Variants in CRACDL observed in about 807,000 individuals in gnomAD.
The protein encoded by CRACDL is CRACD-like protein.
CRACDL carries 26 observed loss-of-function variants against 70.6 expected under a neutral mutation model. That is an observed-to-expected ratio of 0.37 (90% CI 0.27 to 0.51). CRACDL has a LOEUF of 0.51. Among genes scored for constraint, CRACDL ranks in the 20% least tolerant of loss-of-function variants. The pLI, the probability that CRACDL is intolerant of heterozygous loss-of-function variation, is 0.94. For missense variants in CRACDL, 1,283 were observed against 1,376.9 expected, an observed-to-expected ratio of 0.93 and a Z score of 1.08; for synonymous variants, 618 against 615.2, an observed-to-expected ratio of 1.00 and a Z score of -0.07.
Position 98,832,446 on chromosome 2 carries a change from C to T in CRACDL, c.442G>A (p.Gly148Arg). Residue 148 changes from glycine (G) to arginine (R), a missense_variant, in exon 5 of 10, where the codon GGA becomes AGA. Gly to Arg is a moderately radical substitution (Grantham distance 125, BLOSUM62 -2). This residue lies in a region of CRACDL where 362 missense variants were observed against 495.0 expected (regional missense o/e 0.73). Coordinates refer to ENST00000397899, the MANE Select transcript of CRACDL (RefSeq NM_207362.3). ...TCAGAGCTCATGCCGGCATCCTCTC[C>T]CCGCTTGGCAGGAAGCCCCCCTGGA... Reference protein sequence around the residue: ...PPPGGLPAKRGEDAGMSSEDD... With the variant: ...PPPGGLPAKRREDAGMSSEDD... The T allele has an allele frequency of 6.2e-7, 1 of 1,614,002 alleles. No individual in the cohort carries two copies. The highest frequency in any genetic ancestry group is 2.2e-5 in the East Asian group (1 of 44,866).
intron 1 of CRACDL, among the ~76,000 whole-genome samples, chr2:98,874,835 C>T (rs897255570): frequency 2.6e-5 from 4 of 152,190 alleles, no homozygotes; most frequent in Non-Finnish European, 4.4e-5. Context: ...TTACTGATCA[C>T]TTCATGCTGT....
chr2:98,805,665 T>G (rs1012775568), intron 7 of CRACDL, among the ~76,000 whole-genome samples: 23 of 152,314 alleles, frequency 1.5e-4, no homozygotes, highest in Admixed American at 1.0e-3. Flanking sequence ...CAGACTCACT[T>G]TGCAGCCTAG....
chr2:98,854,279 C>CAAAAAAAAAAAAAAAAA (rs1229198569), intron 1 of CRACDL, among the ~76,000 whole-genome samples: 3 of 54,184 alleles, frequency 5.5e-5, no homozygotes, highest in Admixed American at 2.1e-4. Context: ...GACTCTGTCT[C>CAAAAAAAAAAAAAAAAA]AAAAAAAAAA....
intron 7 of CRACDL, among the ~76,000 whole-genome samples, chr2:98,807,718 T>C (rs889862496): frequency 6.6e-6 from 1 of 152,282 alleles, no homozygotes; most frequent in Non-Finnish European, 1.5e-5. Context: ...ACGTTAATAC[T>C]TGGCACTTAG....
Position 98,822,017 on chromosome 2 carries a change from G to T in CRACDL, c.2256C>A (p.Pro752=), listed in dbSNP as rs1046849228. Residue 752 remains proline (P), a synonymous_variant, in exon 7 of 10, where the codon CCC becomes CCA. Coordinates refer to ENST00000397899, the MANE Select transcript of CRACDL (RefSeq NM_207362.3). This position sits in a 1 kb window ranked among gnomAD's most constrained non-coding sequence, Gnocchi z 4.9. ...GCGGCTTGGAGCTGAGCGGCTCGGG[G>T]GGCCGGGCCTTCCCCTTTCCTTGGT... ...PSDQGKGKAR[P]PEPLSSKPPL... 2.6e-6 allele frequency: 4 copies of T among 1,539,750 alleles called. No individual in the cohort carries two copies. The African/African-American group carries it at 5.5e-5, about 21-fold the overall frequency.
chr2:98,828,872 A>G (rs964348390), intron 5 of CRACDL, among the ~76,000 whole-genome samples: 3 of 152,232 alleles, frequency 2.0e-5, no homozygotes, highest in Admixed American at 6.5e-5. Context: ...CACTGTGGTC[A>G]CTGACAACTC....
In CRACDL at chr2:98,822,837, A is replaced by ATTCTCTCGGGCTCGGTCCCCGCTC. The variant is rs1705132469; in HGVS notation, c.1412_1435dup (p.Arg478_Ile479insArgAlaGlyThrGluProGluArg). The ATTCTCTCGGGCTCGGTCCCCGCTC allele has an allele frequency of 2.1e-6, 3 of 1,440,156 alleles. No individual in the cohort carries two copies. Among genetic ancestry groups the ATTCTCTCGGGCTCGGTCCCCGCTC allele is most frequent in the Non-Finnish European group, 2.7e-6 (3 of 1,105,080 alleles). The allele number at this position is 1,440,156 out of a possible 1,614,324, so 89.2% of individuals were successfully genotyped here. On this transcript the variant is annotated inframe_insertion, in exon 7 of 10. Coordinates refer to ENST00000397899, the MANE Select transcript of CRACDL (RefSeq NM_207362.3). The surrounding 1 kb of genome is among the most constrained non-coding windows in gnomAD (Gnocchi z 4.9). ...GGGCGCCGTGGAGGGCTCGGTCCCA[A>ATTCTCTCGGGCTCGGTCCCCGCTC]TTCTCTCGGGCTCGGTCCCCGCTCC...
At chr2:98,805,152 G>A (rs1409782395) in intron 7 of CRACDL, among the ~76,000 whole-genome samples, 2 of 152,154 alleles carry the variant, frequency 1.3e-5, no homozygotes, top group Non-Finnish European at 2.9e-5. Context: ...AGGGGACACG[G>A]CAGGGCCTCT....
chr2:98,820,718 A>T (rs1229760672), intron 7 of CRACDL, among the ~76,000 whole-genome samples: 1 of 152,260 alleles, frequency 6.6e-6, no homozygotes, highest in African/African-American at 2.4e-5. Context: ...GCTGCTTTCA[A>T]ATATTCTTAC....
Position 98,821,977 on chromosome 2 carries a change from GC to G in CRACDL, c.2295del (p.Lys765AsnfsTer89). The G allele has an allele frequency of 6.5e-7, 1 of 1,531,870 alleles. No homozygotes were observed. Among genetic ancestry groups the G allele is most frequent in the Non-Finnish European group, 8.8e-7 (1 of 1,140,262 alleles). 94.9% of individuals were successfully genotyped at this position (1,531,870 alleles called of 1,614,324 possible). A position where few individuals can be genotyped will look rare whatever the true frequency, so the allele number is the denominator to read the frequency against. ...GGGAGCGTGAAGCTCTGCAGAAGCG[GC>G]TTCCGGGGCAGGGGCGGCTTGGAGC... is the stretch of plus-strand genomic sequence containing the variant. The part of the protein sequence containing the change: ...PLSSKPPLPR[K>X]PLLQSFTLPH... On this transcript the variant is annotated frameshift_variant, in exon 7 of 10. Coordinates refer to ENST00000397899, the MANE Select transcript of CRACDL (RefSeq NM_207362.3). LOFTEE classifies it high-confidence loss of function.
intron 1 of CRACDL, among the ~76,000 whole-genome samples, chr2:98,933,512 G>A (rs1440590256): frequency 6.6e-6 from 1 of 152,172 alleles, no homozygotes; most frequent in Non-Finnish European, 1.5e-5. Context: ...ACTTCACTAG[G>A]GACAGCAAAA....
chr2:98,903,096 G>T (rs1558632182), intron 1 of CRACDL, among the ~76,000 whole-genome samples: 1 of 152,116 alleles, frequency 6.6e-6, no homozygotes, highest in Non-Finnish European at 1.5e-5. Flanking sequence ...ATTTGCTGTG[G>T]GGATGGGATC....
rs1265495832 is a variant in CRACDL, at chr2:98,823,012, T to C, written c.1261A>G (p.Thr421Ala). The C allele has an allele frequency of 6.6e-7, 1 of 1,512,842 alleles. No individual in the cohort carries two copies. Among genetic ancestry groups the C allele is most frequent in the Non-Finnish European group, 8.8e-7 (1 of 1,130,896 alleles). 93.7% of individuals were successfully genotyped at this position (1,512,842 alleles called of 1,614,324 possible). A position where few individuals can be genotyped will look rare whatever the true frequency, so the allele number is the denominator to read the frequency against. ...TCGCGAGCAGAGGGCGCCTCTGAGG[T>C]GGCGGCGGGGTCAGTCTCGGGGGGA... ...TTPPETDPAA[T>A]SEAPSARDGP... The change falls in exon 7 of 10, where the codon ACC becomes GCC. Residue 421 changes from threonine (T) to alanine (A), a missense_variant. Thr to Ala is a moderately conservative substitution (Grantham distance 58). Transcript: ENST00000397899. The surrounding 1 kb of genome is among the most constrained non-coding windows in gnomAD (Gnocchi z 4.0).
At chr2:98,829,726 C>T (rs955697786) in intron 5 of CRACDL, among the ~76,000 whole-genome samples, 1 of 152,126 alleles carries the variant, frequency 6.6e-6, no homozygotes, top group African/African-American at 2.4e-5. Flanking sequence ...CATGGGCGGC[C>T]CTGAGTGACA....
chr2:98,907,624 T>C (rs1408372511), intron 1 of CRACDL, among the ~76,000 whole-genome samples: 4 of 152,190 alleles, frequency 2.6e-5, no homozygotes, highest in African/African-American at 9.7e-5. Flanking sequence ...GTACCTTGGT[T>C]TTGAAGGCAC....
At chr2:98,928,338 ATGT>A (rs914982787) in intron 1 of CRACDL, among the ~76,000 whole-genome samples, 4 of 152,332 alleles carry the variant, frequency 2.6e-5, no homozygotes, top group Admixed American at 2.6e-4. Flanking sequence ...TCTGCCCCAA[ATGT>A]TGTAAGAGAT....
intron 5 of CRACDL, 110 bp from the exon 6 acceptor site, chr2:98,827,279 C>T: frequency 1.3e-6 from 1 of 740,888 alleles, no homozygotes; most frequent in Non-Finnish European, 2.3e-6. Flanking sequence ...CACACTGTCT[C>T]TGGCTTTACG....
chr2:98,822,336 C>T lies in CRACDL; in HGVS notation c.1937G>A (p.Ser646Asn). The T allele has an allele frequency of 2.1e-6, 3 of 1,456,252 alleles. No homozygotes were observed. The highest frequency in any genetic ancestry group is 1.8e-6 in the Non-Finnish European group (2 of 1,116,138). 90.2% of individuals were successfully genotyped at this position (1,456,252 alleles called of 1,614,324 possible). A position where few individuals can be genotyped will look rare whatever the true frequency, so the allele number is the denominator to read the frequency against. Residue 646 changes from serine to asparagine, a missense_variant, in exon 7 of 10, where the codon AGC becomes AAC. This residue lies in a region of CRACDL where 921 missense variants were observed against 881.9 expected (regional missense o/e 1.04). Coordinates refer to ENST00000397899, the MANE Select transcript of CRACDL (RefSeq NM_207362.3). The surrounding 1 kb of genome is among the most constrained non-coding windows in gnomAD (Gnocchi z 4.9). ...AGGGCTCTTGCGCGGCCCGGCCGGG[C>T]TGGCCGCCCTGTCCCCCGAGTCCTG... Reference protein sequence around the residue: ...GPQDSGDRAASPAGPRKSPQE... With the variant: ...GPQDSGDRAANPAGPRKSPQE...
intron 1 of CRACDL, among the ~76,000 whole-genome samples, chr2:98,893,104 G>A (rs1028667119): frequency 6.6e-5 from 10 of 152,186 alleles, no homozygotes; most frequent in African/African-American, 2.4e-4. Flanking sequence ...TCCAGGCACA[G>A]CAGCAGGGAG....
Sources: allele counts gnomAD v4.1 joint callset (sites outside exome capture counted in the v4.1 genomes callset), GRCh38; gene constraint gnomAD v4.1.1; regional missense constraint gnomAD v4.1.1; non-coding constraint Gnocchi (gnomAD v3.1); transcripts MANE v1.5; gene names NCBI Gene and HGNC (gene_info 2026-07-23, HGNC 2026-07-21).